PARP12: variants seen among roughly 807,000 people sequenced by gnomAD.
PARP12 encodes the protein protein mono-ADP-ribosyltransferase PARP12.
A neutral mutation model predicts 72.4 loss-of-function variants in PARP12; 59 were observed. The observed-to-expected ratio is 0.81, with a 90% CI of 0.66 to 1.01. PARP12 has a LOEUF of 1.01. Among genes scored for constraint, PARP12 ranks in the 50% least tolerant of loss-of-function variants. The pLI, the probability that PARP12 is intolerant of heterozygous loss-of-function variation, is 0.00. For missense variants in PARP12, 851 were observed against 914.0 expected (o/e 0.93, Z 0.89); for synonymous variants, 403 against 371.4 (o/e 1.09, Z -0.98).
At chr7:140,025,037 C>T (rs965295813) in intron 11 of PARP12, 152 bp from the exon 12 acceptor site, 1 of 694,756 alleles carries the variant, frequency 1.4e-6, no homozygotes, top group Non-Finnish European at 2.4e-6. Flanking sequence ...TGTCTCCACT[C>T]TCCCTCATGA....
intron 1 of PARP12, among the ~76,000 whole-genome samples, chr7:140,061,870 TG>T (rs994001853): frequency 2.7e-5 from 4 of 150,604 alleles, no homozygotes; most frequent in African/African-American, 9.9e-5. Context: ...TCAAATGGGA[TG>T]TGATCTTTAG....
intron 9 of PARP12, among the ~76,000 whole-genome samples, chr7:140,028,116 C>G (rs917513566): frequency 6.6e-6 from 1 of 152,190 alleles, no homozygotes; most frequent in Non-Finnish European, 1.5e-5. Context: ...AGATGTTAGT[C>G]TGCGTACTCT....
chr7:140,034,365 A>G, intron 7 of PARP12, 34 bp from the exon 8 acceptor site: 1 of 1,489,184 alleles, frequency 6.7e-7, no homozygotes, highest in Non-Finnish European at 9.2e-7. Flanking sequence ...AAAAATATAC[A>G]TATACATATA....
chr7:140,041,531 G>A (rs1300323776), intron 6 of PARP12, 113 bp downstream of exon 6: 12 of 1,069,114 alleles, frequency 1.1e-5, no homozygotes, highest in Non-Finnish European at 1.3e-5. Flanking sequence ...CTGGCACCTG[G>A]GGATCCTCAG....
intron 1 of PARP12, among the ~76,000 whole-genome samples, chr7:140,058,374 G>A (rs867331632): frequency 2.6e-5 from 4 of 152,118 alleles, no homozygotes; most frequent in South Asian, 2.1e-4. Flanking sequence ...AGCGGGGCGT[G>A]GTGGTGAGCG....
Position 140,024,683 on chromosome 7 carries a change from A to C in PARP12, c.1983T>G (p.Phe661Leu). The change falls in exon 12 of 12, where the codon TTT becomes TTG. Residue 661 changes from phenylalanine to leucine, a missense_variant. By Grantham distance (22) the Phe-to-Leu change is conservative. Transcript: ENST00000263549. The stretch of plus-strand genomic sequence containing the variant: ...AGACCTGGTGTTTCTCAAAGATCAC[A>C]AAGATGGAGGGGTCGGACACACTGT... ...CVNSVSDPSI[F>L]VIFEKHQVYP... 6.2e-7 allele frequency: 1 copy of C among 1,614,180 alleles called. No individual in the cohort carries two copies. Among genetic ancestry groups the C allele is most frequent in the Non-Finnish European group, 8.5e-7 (1 of 1,180,032 alleles).
rs1249203317 is a variant in PARP12, at chr7:140,056,863, C to T, written c.753G>A (p.Gly251=). The stretch of plus-strand genomic sequence containing the variant: ...ACTCCCCACCAGCCTTACCAGAAGT[C>T]CCCTGTGGGACAAAAAGAGGAGGCA... ...SRVPPLFVPQ[G]TSERKDSSGS... Residue 251 remains glycine, a synonymous_variant, in exon 3 of 12, where the codon GGG becomes GGA. Coordinates refer to ENST00000263549, the MANE Select transcript of PARP12 (RefSeq NM_022750.4). 4.4e-6 allele frequency: 7 copies of T among 1,604,824 alleles called. No individual in the cohort carries two copies. The highest frequency in any genetic ancestry group is 6.0e-6 in the Non-Finnish European group (7 of 1,175,968).
At chr7:140,058,619 C>T (rs560720726) in intron 1 of PARP12, among the ~76,000 whole-genome samples, 6 of 152,270 alleles carry the variant, frequency 3.9e-5, no homozygotes, top group African/African-American at 1.4e-4. Context: ...GAAATCAACC[C>T]TGCCACCTTG....
At chr7:140,026,464 G>C in intron 10 of PARP12, 116 bp from the exon 11 acceptor site, 1 of 1,404,996 alleles carries the variant, frequency 7.1e-7, no homozygotes, top group Non-Finnish European at 9.5e-7. Context: ...GGGACCAAGA[G>C]ACGCAGGTCA....
At position 140,056,725 on chromosome 7, in the gene PARP12, A is replaced by G. The variant is rs142379075; in HGVS notation, c.760+131T>C. 2,553 of 953,652 alleles carry G rather than the reference A, an allele frequency of 2.7e-3. 7 individuals are homozygous for G. The highest frequency in any genetic ancestry group is 2.8e-3 in the Non-Finnish European group (1,795 of 645,374). The allele number at this position is 953,652 out of a possible 1,614,324, so 59.1% of individuals were successfully genotyped here. ...TTGTTAGGAAAGCATCATCAACTCC[A>G]TTTTACTAAAAGCAGCACCAGACTT... On this transcript the variant is annotated intron_variant, in intron 3 of 11. Coordinates refer to ENST00000263549, the MANE Select transcript of PARP12 (RefSeq NM_022750.4).
At position 140,041,743 on chromosome 7, in the gene PARP12, C is replaced by T. The variant is rs759516135; in HGVS notation, c.1083G>A (p.Thr361=). 5.6e-6 allele frequency: 9 copies of T among 1,613,858 alleles called. No homozygotes were observed. The highest frequency in any genetic ancestry group is 7.6e-6 in the Non-Finnish European group (9 of 1,179,974). ...GTGGAGGTTTGGTGACAGAGGAGGC[C>T]GTGGAGAGGCGGCGAGCCTGGGTAG... ...YGATQARRLS[T]ASSVTKPPHF... Residue 361 remains threonine, a synonymous_variant, in exon 6 of 12, where the codon ACG becomes ACA. Coordinates refer to ENST00000263549, the MANE Select transcript of PARP12 (RefSeq NM_022750.4).
Position 140,057,976 on chromosome 7 carries a change from T to G in PARP12, c.385A>C (p.Thr129Pro). The change falls in exon 2 of 12, where the codon ACT (threonine) becomes CCT (proline). Residue 129 changes from threonine (T) to proline (P), a missense_variant. Coordinates refer to ENST00000263549, the MANE Select transcript of PARP12 (RefSeq NM_022750.4). The part of the protein sequence containing the change: ...TTEHNLSVLR[T>P]HGVDHLSYNE... The stretch of plus-strand genomic sequence containing the variant: ...TAGCTCAGGTGGTCAACGCCATGAG[T>G]TCTCAGCACACTCAGGTTGTGTTCG... 1 of 1,614,200 alleles carries G rather than the reference T, an allele frequency of 6.2e-7. No homozygotes were observed. Among genetic ancestry groups the G allele is most frequent in the Non-Finnish European group, 8.5e-7 (1 of 1,180,036 alleles).
rs577229332 is a variant in PARP12, at chr7:140,062,020, G to A, written c.326+502C>T. ...GGTGTTCCAGTCACAGAAGGGTCCT[G>A]GGTGGGCAGGGACCAGTGCCCCAGG... On this transcript the variant is annotated intron_variant, in intron 1 of 11. Coordinates refer to ENST00000263549, the MANE Select transcript of PARP12 (RefSeq NM_022750.4). 3.3e-5 allele frequency among the ~76,000 whole-genome samples: 5 copies of A among 149,656 alleles called. No homozygotes were observed. In the South Asian group the frequency reaches 1.1e-3, roughly 32 times the overall value.
In PARP12 at chr7:140,057,118, G is replaced by T. The variant is rs760666332; in HGVS notation, c.498C>A (p.His166Gln). 2 of 1,614,014 alleles carry T rather than the reference G, an allele frequency of 1.2e-6. No homozygotes were observed. The highest frequency in any genetic ancestry group is 2.2e-5 in the South Asian group (2 of 91,078). Residue 166 changes from histidine to glutamine, a missense_variant, in exon 3 of 12, where the codon CAC (histidine) becomes CAA (glutamine). By Grantham distance (24) the His-to-Gln change is conservative. Transcript: ENST00000263549. ...ACTGCTTTTGAAAGGCACAAGAGCC[G>T]TGGGGTCCATCTCCTTTGTTGTAAT... ...CQHYNKGDGP[H>Q]GSCAFQKQCI...
Position 140,044,546 on chromosome 7 carries a change from C to T in PARP12, c.986+2338G>A, listed in dbSNP as rs1329300191. 2.6e-5 allele frequency among the ~76,000 whole-genome samples: 4 copies of T among 152,178 alleles called. No homozygotes were observed. The East Asian group carries it at 7.7e-4, about 29-fold the overall frequency. ...TTCAGACAGAGCAAGGCCCTGCTAACACCTTCAGTTTGGACTTCTAGCCTC... is the reference window on the plus strand; with the variant it reads ...TTCAGACAGAGCAAGGCCCTGCTAATACCTTCAGTTTGGACTTCTAGCCTC... On this transcript the variant is annotated intron_variant, in intron 5 of 11. Transcript: ENST00000263549.
intron 1 of PARP12, among the ~76,000 whole-genome samples, chr7:140,059,652 A>G (rs139772538): frequency 9.2e-5 from 14 of 152,292 alleles, no homozygotes; most frequent in Non-Finnish European, 1.3e-4. Flanking sequence ...CTTTTACAGA[A>G]TCCCCCAGCT....
At chr7:140,062,297 C>A (rs1562934359) in intron 1 of PARP12, among the ~76,000 whole-genome samples, 1 of 150,150 alleles carries the variant, frequency 6.7e-6, no homozygotes, top group Non-Finnish European at 1.5e-5. Context: ...ATCACTCTCT[C>A]CCCCCAGGCG....
chr7:140,038,286 T>A (rs953984351), intron 6 of PARP12: 67 of 985,306 alleles, frequency 6.8e-5, no homozygotes, highest in Non-Finnish European at 7.7e-5. Context: ...TCGGTCCTCT[T>A]CCTTGCGGTT....
chr7:140,057,258 T>G, intron 2 of PARP12, 105 bp from the exon 3 acceptor site: 2 of 1,083,376 alleles, frequency 1.8e-6, no homozygotes, highest in Non-Finnish European at 2.7e-6. Context: ...CAAGCTGTGA[T>G]TCCATCATCC....
Sources: allele counts gnomAD v4.1 joint callset (sites outside exome capture counted in the v4.1 genomes callset), GRCh38; gene constraint gnomAD v4.1.1; transcripts MANE v1.5; gene names NCBI Gene and HGNC (gene_info 2026-07-23, HGNC 2026-07-21).